The following PTPRK variants were observed in gnomAD, a reference collection of about 807,000 sequenced individuals.
PTPRK encodes receptor-type tyrosine-protein phosphatase kappa.
Under a neutral mutation model 178.0 loss-of-function variants are expected in PTPRK, and 75 were observed. The observed-to-expected ratio is 0.42, with a 90% CI of 0.35 to 0.51. The LOEUF is 0.51. Among genes scored for constraint, PTPRK ranks in the 20% least tolerant of loss-of-function variants. The pLI is 0.02. For missense variants in PTPRK, 1,441 were observed against 1,797.8 expected (o/e 0.80, Z 3.59); for synonymous variants, 637 against 620.6 (o/e 1.03, Z -0.39).
chr6:128,157,191 G>C, intron 7 of PTPRK, among the ~76,000 whole-genome samples: 1 of 151,966 alleles, frequency 6.6e-6, no homozygotes, highest in Admixed American at 6.6e-5. Context: ...GACTCCACTA[G>C]AGAATTAATA....
chr6:128,160,417 C>T (rs957867488), intron 7 of PTPRK, among the ~76,000 whole-genome samples: 2 of 151,782 alleles, frequency 1.3e-5, no homozygotes, highest in South Asian at 2.1e-4. Flanking sequence ...ACGAGATATA[C>T]TCCCATTAGC....
intron 1 of PTPRK, among the ~76,000 whole-genome samples, chr6:128,438,002 C>T (rs897934320): frequency 2.0e-5 from 3 of 152,246 alleles, no homozygotes; most frequent in Admixed American, 6.5e-5. Context: ...ACCTGAACAT[C>T]CGAAAAGTTG....
chr6:128,496,291 T>C (rs1480128585), intron 1 of PTPRK, among the ~76,000 whole-genome samples: 4 of 152,176 alleles, frequency 2.6e-5, no homozygotes, highest in East Asian at 3.8e-4. Flanking sequence ...CCCTAAATCT[T>C]AAGGCAGAAA....
At chr6:128,397,484 ATTG>A in intron 2 of PTPRK, 79 bp downstream of exon 2, 1 of 1,518,708 alleles carries the variant, frequency 6.6e-7, no homozygotes, top group Non-Finnish European at 9.1e-7. Flanking sequence ...CCATTAAATT[ATTG>A]TTGTTACACT....
At chr6:128,202,185 G>T (rs9491925) in intron 6 of PTPRK, among the ~76,000 whole-genome samples, 1 of 152,258 alleles carries the variant, frequency 6.6e-6, no homozygotes, top group South Asian at 2.1e-4. Flanking sequence ...CTCAACCCAC[G>T]GAAAATGAAG....
intron 13 of PTPRK, chr6:128,063,323 A>AT (rs1352832696): frequency 2.0e-5 from 3 of 152,232 alleles, no homozygotes; most frequent in African/African-American, 7.2e-5. Flanking sequence ...GATATTTGTC[A>AT]TTTTTTTAAA....
At chr6:128,481,440 T>C (rs948405750) in intron 1 of PTPRK, among the ~76,000 whole-genome samples, 4 of 152,192 alleles carry the variant, frequency 2.6e-5, no homozygotes, top group African/African-American at 9.7e-5. Flanking sequence ...CCAATGCAGA[T>C]TTCAAGATGA....
At chr6:128,511,826 G>A (rs1273126016) in intron 1 of PTPRK, among the ~76,000 whole-genome samples, 5 of 152,072 alleles carry the variant, frequency 3.3e-5, no homozygotes, top group Admixed American at 6.6e-5. Flanking sequence ...TTAACCCCTC[G>A]AGGCCTTAGT....
At chr6:128,184,751 A>C (rs1802481198) in intron 6 of PTPRK, 26 bp from the exon 7 acceptor site, 1 of 1,593,886 alleles carries the variant, frequency 6.3e-7, no homozygotes, top group Non-Finnish European at 8.6e-7. Context: ...GTGCACTTCA[A>C]TTAGTAAGAT....
chr6:127,986,238 A>G (rs1299025893), intron 21 of PTPRK, among the ~76,000 whole-genome samples: 2 of 152,198 alleles, frequency 1.3e-5, no homozygotes, highest in Non-Finnish European at 2.9e-5. Context: ...GACCCAATGC[A>G]TTGAGTTCTC....
In PTPRK at chr6:128,153,745, C is replaced by T. The variant is rs899834211; in HGVS notation, c.1162+30687G>A. 2.0e-5 allele frequency among the ~76,000 whole-genome samples: 3 copies of T among 151,986 alleles called. No homozygotes were observed. In the East Asian group the frequency reaches 5.8e-4, roughly 29 times the overall value. On this transcript the variant is annotated intron_variant, in intron 7 of 29. Transcript: ENST00000368226. Reference sequence around the variant, plus strand: ...AATGACAACGTTTTAGATACAATACCTGCTAAATAAAAACATGAAATTCAG... The same window carrying T: ...AATGACAACGTTTTAGATACAATACTTGCTAAATAAAAACATGAAATTCAG...
At chr6:128,054,258 C>T (rs779839953) in intron 13 of PTPRK, among the ~76,000 whole-genome samples, 22 of 152,152 alleles carry the variant, frequency 1.4e-4, no homozygotes, top group Non-Finnish European at 2.8e-4. Flanking sequence ...CCTTTCATTT[C>T]CAACTGTCAA....
chr6:128,036,951 T>C (rs1211914369), intron 13 of PTPRK, among the ~76,000 whole-genome samples: 1 of 152,122 alleles, frequency 6.6e-6, no homozygotes, highest in Admixed American at 6.5e-5. Context: ...AGAATGCTCT[T>C]GAACTCCTGA....
intron 13 of PTPRK, among the ~76,000 whole-genome samples, chr6:128,016,663 A>G (rs565376822): frequency 5.2e-4 from 58 of 112,334 alleles, no homozygotes; most frequent in African/African-American, 1.6e-3. Context: ...AAATATATCA[A>G]TCTTTTTTTT....
Position 128,397,718 on chromosome 6 carries a change from C to T in PTPRK, c.101-30G>A, listed in dbSNP as rs890706221. ...GAGAAAAGAAGACTACTGTTACATTCTAAACAGATTTTCCAAACATAACGA... is the reference window on the plus strand; with the variant it reads ...GAGAAAAGAAGACTACTGTTACATTTTAAACAGATTTTCCAAACATAACGA... On this transcript the variant is annotated intron_variant, in intron 1 of 29. Coordinates refer to ENST00000368226, the MANE Select transcript of PTPRK (RefSeq NM_002844.4). 6 of 1,606,142 alleles carry T rather than the reference C, an allele frequency of 3.7e-6. No individual in the cohort carries two copies. In the Admixed American group the frequency reaches 6.7e-5, roughly 18 times the overall value.
chr6:128,183,409 C>T (rs903320022), intron 7 of PTPRK, among the ~76,000 whole-genome samples: 6 of 152,296 alleles, frequency 3.9e-5, no homozygotes, highest in African/African-American at 1.4e-4. Context: ...TAAATATATA[C>T]AGCAATCAGC....
intron 5 of PTPRK, 102 bp downstream of exon 5, chr6:128,239,933 A>G (rs936520973): frequency 2.8e-5 from 17 of 615,340 alleles, no homozygotes; most frequent in Non-Finnish European, 4.3e-5. Context: ...GTGCACACGC[A>G]CACACACACA....
At chr6:128,233,592 A>G (rs1346367046) in intron 5 of PTPRK, among the ~76,000 whole-genome samples, 1 of 152,216 alleles carries the variant, frequency 6.6e-6, no homozygotes, top group Non-Finnish European at 1.5e-5. Context: ...ATAAGGAATG[A>G]CATTTCCTTT....
chr6:128,352,246 T>A (rs1321275820), intron 2 of PTPRK, among the ~76,000 whole-genome samples: 2 of 72,810 alleles, frequency 2.7e-5, no homozygotes, highest in Admixed American at 2.2e-4. Context: ...AGAGCGAGAC[T>A]TCATCTCAAA....
Sources: gnomAD v4.1 joint callset for allele counts (sites outside exome capture counted in the v4.1 genomes callset) on GRCh38, gnomAD v4.1.1 for gene constraint, MANE v1.5 for transcripts, NCBI Gene and HGNC (gene_info 2026-07-23, HGNC 2026-07-21) for gene names.